The following MGAT5 variants were observed in gnomAD, a reference collection of about 807,000 sequenced individuals.
MGAT5 encodes the protein alpha-1,6-mannosylglycoprotein 6-beta-N-acetylglucosaminyltransferase.
MGAT5 carries 30 observed loss-of-function variants against 94.3 expected under a neutral mutation model. The ratio of observed to expected loss-of-function variants is 0.32; its 90% CI spans 0.24 to 0.43. The LOEUF (loss-of-function observed/expected upper bound fraction) is 0.43. Among genes scored for constraint, MGAT5 ranks in the 20% least tolerant of loss-of-function variants. The probability of loss-of-function intolerance (pLI) is 1.00; values close to 1 mark genes in which losing one functional copy is unlikely to be tolerated. For synonymous variants in MGAT5, 310 were observed against 322.9 expected (o/e 0.96, Z 0.43); for missense variants, 691 against 905.5 (o/e 0.76, Z 3.04).
intron 1 of MGAT5, among the ~76,000 whole-genome samples, chr2:134,142,511 GGTAA>G (rs1686705103): frequency 6.6e-6 from 1 of 152,166 alleles, no homozygotes; most frequent in Non-Finnish European, 1.5e-5. Context: ...AATCCAGTGA[GGTAA>G]GTGTTACTCG....
intron 4 of MGAT5, among the ~76,000 whole-genome samples, chr2:134,330,738 G>A (rs1206195673): frequency 6.6e-6 from 1 of 152,060 alleles, no homozygotes; most frequent in Non-Finnish European, 1.5e-5. Flanking sequence ...ATCCAGAGAT[G>A]ATCTCAGACT....
At chr2:134,377,585 C>T (rs942763476) in intron 10 of MGAT5, among the ~76,000 whole-genome samples, 15 of 152,170 alleles carry the variant, frequency 9.9e-5, no homozygotes, top group African/African-American at 2.9e-4. Flanking sequence ...TTTATGACCA[C>T]GGCTCCTTTA....
At position 134,254,205 on chromosome 2, in the gene MGAT5, G is replaced by T; in HGVS notation, c.-199G>T. On this transcript the variant is annotated 5_prime_UTR_variant, in exon 1 of 16. Coordinates refer to ENST00000281923, the MANE Select transcript of MGAT5 (RefSeq NM_002410.5). ...TATTCAAGTGAAAACATGGCTTCTGGTTTATTTTGCTGTATTGTGCCATGA... is the reference window on the plus strand; with the variant it reads ...TATTCAAGTGAAAACATGGCTTCTGTTTTATTTTGCTGTATTGTGCCATGA... 1 of 615,088 alleles carries T rather than the reference G, an allele frequency of 1.6e-6. No homozygotes were observed. Among genetic ancestry groups the T allele is most frequent in the Non-Finnish European group, 2.8e-6 (1 of 352,274 alleles). 38.1% of individuals were successfully genotyped at this position (615,088 alleles called of 1,614,324 possible).
At chr2:134,282,240 A>G (rs779632785) in intron 2 of MGAT5, among the ~76,000 whole-genome samples, 2 of 152,220 alleles carry the variant, frequency 1.3e-5, no homozygotes, top group Non-Finnish European at 2.9e-5. Flanking sequence ...CTGAGGGCAG[A>G]AGGCCATTAT....
At chr2:134,144,634 A>G (rs1686823291) in intron 1 of MGAT5, among the ~76,000 whole-genome samples, 1 of 152,140 alleles carries the variant, frequency 6.6e-6, no homozygotes, top group Non-Finnish European at 1.5e-5. Context: ...TAAAAGCTTT[A>G]ATTTATATAT....
At chr2:134,317,199 T>A (rs530666739) in intron 2 of MGAT5, among the ~76,000 whole-genome samples, 2 of 152,310 alleles carry the variant, frequency 1.3e-5, no homozygotes, top group South Asian at 4.1e-4. Context: ...CACATGGCTT[T>A]ATTTCCTGCT....
At chr2:134,240,537 G>A (rs1681921757) in intron 1 of MGAT5, among the ~76,000 whole-genome samples, 1 of 149,984 alleles carries the variant, frequency 6.7e-6, no homozygotes, top group Admixed American at 6.7e-5. Flanking sequence ...GTGAGGTTTT[G>A]GACCATTATA....
chr2:134,249,680 A>G (rs1682477146), upstream of MGAT5, among the ~76,000 whole-genome samples: 3 of 152,124 alleles, frequency 2.0e-5, no homozygotes, highest in South Asian at 4.1e-4. Flanking sequence ...ACTTTTGTTT[A>G]TTATGGATAA....
chr2:134,348,036 G>A (rs182097609), intron 8 of MGAT5, among the ~76,000 whole-genome samples: 1 of 152,346 alleles, frequency 6.6e-6, no homozygotes, highest in East Asian at 1.9e-4. Flanking sequence ...CTGCAGAGCT[G>A]CCACCGTTAA....
intron 1 of MGAT5, among the ~76,000 whole-genome samples, chr2:134,187,207 G>A (rs922201297): frequency 6.6e-6 from 1 of 152,182 alleles, no homozygotes; most frequent in African/African-American, 2.4e-5. Context: ...TGATGGACGT[G>A]TGTGAAGAAT....
intron 4 of MGAT5, among the ~76,000 whole-genome samples, chr2:134,332,811 G>A (rs202050277): frequency 1.1e-3 from 147 of 135,240 alleles, no homozygotes; most frequent in African/African-American, 1.5e-3. Context: ...AGACATTTAT[G>A]CAGCCAAAAA....
At chr2:134,333,848 TC>T (rs2105968546) in intron 4 of MGAT5, among the ~76,000 whole-genome samples, 1 of 152,314 alleles carries the variant, frequency 6.6e-6, no homozygotes, top group Non-Finnish European at 1.5e-5. Context: ...CTGGCTTTCT[TC>T]CAATCCTGGT....
At chr2:134,363,951 G>A (rs888380170) in intron 10 of MGAT5, among the ~76,000 whole-genome samples, 2 of 152,178 alleles carry the variant, frequency 1.3e-5, no homozygotes, top group African/African-American at 2.4e-5. Context: ...TACGGCATTG[G>A]TTTTAGGAGG....
intron 1 of MGAT5, among the ~76,000 whole-genome samples, chr2:134,270,097 A>G (rs576286741): frequency 6.6e-6 from 1 of 152,362 alleles, no homozygotes; most frequent in South Asian, 2.1e-4. Flanking sequence ...GTGTAGTGCT[A>G]TAGCAGGATG....
At chr2:134,192,074 G>C (rs1369559576) in intron 1 of MGAT5, among the ~76,000 whole-genome samples, 4 of 146,848 alleles carry the variant, frequency 2.7e-5, no homozygotes, top group Admixed American at 6.7e-5. Context: ...TGGCGCGAGC[G>C]GGTTCCTGAT....
intron 15 of MGAT5, among the ~76,000 whole-genome samples, chr2:134,444,813 A>G (rs904861592): frequency 1.3e-5 from 2 of 152,206 alleles, no homozygotes; most frequent in Admixed American, 6.5e-5. Flanking sequence ...TCAGGAAACC[A>G]GCCTCGAGTT....
rs908394806 is a variant in MGAT5, at chr2:134,348,347, A to G, written c.1113-1458A>G. Among the ~76,000 whole-genome samples, 6 of 152,178 alleles carry G rather than the reference A, an allele frequency of 3.9e-5. No homozygotes were observed. The East Asian group carries it at 1.2e-3, about 29-fold the overall frequency. ...GATGAGAGCATATTCCGTGAGAGCC[A>G]CACAAGAATCTAAGACAGGGAAATT... On this transcript the variant is annotated intron_variant, in intron 8 of 15. Coordinates refer to ENST00000281923, the MANE Select transcript of MGAT5 (RefSeq NM_002410.5).
At chr2:134,293,543 A>G (rs116421522) in intron 2 of MGAT5, among the ~76,000 whole-genome samples, 20,812 of 152,012 alleles carry the variant, frequency 0.14, 1,578 homozygotes, top group Middle Eastern at 0.35. Flanking sequence ...ATCTGGGTTC[A>G]CTGCAACCTC....
At chr2:134,120,243 C>T (rs936502957) in exon 1 of MGAT5, 4 of 375,634 alleles carry the variant, frequency 1.1e-5, no homozygotes, top group Non-Finnish European at 1.4e-5. Context: ...GCCGCGTGGG[C>T]ACGGCGGCCG....
Sources: gnomAD v4.1 joint callset for allele counts (sites outside exome capture counted in the v4.1 genomes callset) on GRCh38, gnomAD v4.1.1 for gene constraint, MANE v1.5 for transcripts, NCBI Gene and HGNC (gene_info 2026-07-23, HGNC 2026-07-21) for gene names.